Variants in PCDHA9 observed in about 807,000 individuals in gnomAD.
PCDHA9 encodes protocadherin alpha 9.
Under a neutral mutation model 62.0 loss-of-function variants are expected in PCDHA9, and 62 were observed. That is an observed-to-expected ratio of 1.00 (90% CI 0.81 to 1.23). The LOEUF (loss-of-function observed/expected upper bound fraction) is 1.23. Ranked by LOEUF, PCDHA9 falls within the 50% of genes most tolerant of loss-of-function variation. PCDHA9 has a pLI of 0.00. For missense variants in PCDHA9, 1,205 were observed against 1,249.8 expected (o/e 0.96, Z 0.54); for synonymous variants, 557 against 567.6 (o/e 0.98, Z 0.27).
chr5:140,905,170 G>A (rs1350085385), intron 1 of PCDHA9, among the ~76,000 whole-genome samples: 1 of 152,188 alleles, frequency 6.6e-6, no homozygotes, highest in Non-Finnish European at 1.5e-5. Context: ...ATGGTTTCAG[G>A]TTTTAGATTT....
intron 1 of PCDHA9, chr5:140,869,184 G>C: frequency 6.2e-7 from 1 of 1,613,954 alleles, no homozygotes; most frequent in Non-Finnish European, 8.5e-7. Context: ...GGGAGGTGGG[G>C]AGCGGCCAGC....
intron 1 of PCDHA9, chr5:140,852,134 G>A: frequency 3.4e-6 from 3 of 887,872 alleles, no homozygotes; most frequent in Non-Finnish European, 4.1e-6. Flanking sequence ...AAACTCAGTA[G>A]AGAAAGATCA....
At chr5:140,885,737 A>G (rs1347685899) in intron 1 of PCDHA9, among the ~76,000 whole-genome samples, 1 of 152,222 alleles carries the variant, frequency 6.6e-6, no homozygotes, top group South Asian at 2.1e-4. Context: ...ATGATATTTC[A>G]CTGTTACTTT....
chr5:140,963,395 C>T (rs544819387), intron 1 of PCDHA9, among the ~76,000 whole-genome samples: 4 of 152,322 alleles, frequency 2.6e-5, no homozygotes, highest in African/African-American at 7.2e-5. Flanking sequence ...AAGCTCCCTA[C>T]TGGATGCTGT....
chr5:140,991,844 C>T (rs892318388), intron 3 of PCDHA9, among the ~76,000 whole-genome samples: 2 of 152,334 alleles, frequency 1.3e-5, no homozygotes, highest in Middle Eastern at 6.8e-3. Flanking sequence ...AACCGCACTT[C>T]CAGATACCAA....
At chr5:141,004,192 C>G (rs2098157863) in intron 3 of PCDHA9, among the ~76,000 whole-genome samples, 1 of 152,192 alleles carries the variant, frequency 6.6e-6, no homozygotes, top group African/African-American at 2.4e-5. Flanking sequence ...TGCTCTTAAC[C>G]AAAAGGAATT....
chr5:140,944,410 C>G (rs1339076109), intron 1 of PCDHA9, among the ~76,000 whole-genome samples: 1 of 152,272 alleles, frequency 6.6e-6, no homozygotes, highest in Middle Eastern at 3.4e-3. Flanking sequence ...TGGTCTCGAA[C>G]TCCTGATCTG....
At chr5:140,988,503 GAA>G (rs2097300771) in intron 3 of PCDHA9, among the ~76,000 whole-genome samples, 1 of 152,152 alleles carries the variant, frequency 6.6e-6, no homozygotes, top group Non-Finnish European at 1.5e-5. Flanking sequence ...GAGAAGCCAT[GAA>G]GCTTACTTAA....
chr5:140,852,052 A>G, intron 1 of PCDHA9: 1 of 915,096 alleles, frequency 1.1e-6, no homozygotes, highest in Non-Finnish European at 1.3e-6. Flanking sequence ...TATGTGGTTT[A>G]TATTTTTCTT....
At chr5:140,873,301 A>G (rs1463024301) in intron 1 of PCDHA9, among the ~76,000 whole-genome samples, 1 of 152,238 alleles carries the variant, frequency 6.6e-6, no homozygotes, top group Non-Finnish European at 1.5e-5. Flanking sequence ...TTATAAATAT[A>G]ATAAAGGTGA....
chr5:140,890,045 T>C (rs1192229071), intron 1 of PCDHA9, among the ~76,000 whole-genome samples: 1 of 152,206 alleles, frequency 6.6e-6, no homozygotes, highest in African/African-American at 2.4e-5. Context: ...TGTAGTGTGT[T>C]GGAGCTGGCT....
intron 1 of PCDHA9, chr5:140,877,037 C>G: frequency 6.2e-7 from 1 of 1,612,492 alleles, no homozygotes; most frequent in Non-Finnish European, 8.5e-7. Flanking sequence ...GCGCTGCAGC[C>G]GCTAGACCAC....
chr5:140,866,633 G>A (rs900221819), intron 1 of PCDHA9: 71 of 152,170 alleles, frequency 4.7e-4, no homozygotes, highest in African/African-American at 1.6e-3. Flanking sequence ...TTCTGACAAC[G>A]GTGTCAAAAT....
At chr5:140,910,935 C>T (rs192394348) in intron 1 of PCDHA9, among the ~76,000 whole-genome samples, 4 of 152,192 alleles carry the variant, frequency 2.6e-5, no homozygotes, top group African/African-American at 9.6e-5. Context: ...TAAGAAAGCT[C>T]AAGCAGTTCT....
intron 2 of PCDHA9, among the ~76,000 whole-genome samples, chr5:140,981,116 A>G (rs533489885): frequency 6.6e-6 from 1 of 152,344 alleles, no homozygotes; most frequent in African/African-American, 2.4e-5. Flanking sequence ...TCTACTGGAT[A>G]TGTTGTTTGA....
intron 1 of PCDHA9, among the ~76,000 whole-genome samples, chr5:140,936,010 A>G (rs1470244912): frequency 6.6e-6 from 1 of 150,776 alleles, no homozygotes; most frequent in Non-Finnish European, 1.5e-5. Context: ...CTCCCACCTC[A>G]GCCTCCCGAG....
chr5:140,993,270 G>A (rs190721014), intron 3 of PCDHA9, among the ~76,000 whole-genome samples: 360 of 151,912 alleles, frequency 2.4e-3, no homozygotes, highest in African/African-American at 8.3e-3. Context: ...AGCTTCTTTG[G>A]TCTTTTCTTG....
chr5:140,884,443 A>G (rs568353165), intron 1 of PCDHA9: 2 of 1,613,454 alleles, frequency 1.2e-6, no homozygotes, highest in South Asian at 2.2e-5. Flanking sequence ...GGTGCTCGGC[A>G]CCGCCCACCG....
At position 140,848,649 on chromosome 5, in the gene PCDHA9, C is replaced by T; in HGVS notation, c.154C>T (p.Leu52=). ...GTFVGRIAQD[L]GLELAELVPR... Reference sequence around the variant, plus strand: ...CTTCGTGGGCCGCATCGCGCAGGACCTGGGGCTGGAGCTGGCGGAGCTGGT... The same window carrying T: ...CTTCGTGGGCCGCATCGCGCAGGACTTGGGGCTGGAGCTGGCGGAGCTGGT... The change falls in exon 1 of 4, where the codon CTG becomes TTG. Residue 52 remains leucine, a synonymous_variant. Transcript: ENST00000532602. 1.9e-6 allele frequency: 3 copies of T among 1,593,016 alleles called. No homozygotes were observed. Among genetic ancestry groups the T allele is most frequent in the Admixed American group, 1.7e-5 (1 of 59,210 alleles).
Sources: allele counts gnomAD v4.1 joint callset (sites outside exome capture counted in the v4.1 genomes callset), GRCh38; gene constraint gnomAD v4.1.1; transcripts MANE v1.5; gene names NCBI Gene and HGNC (gene_info 2026-07-23, HGNC 2026-07-21).